Variants in GPATCH1 observed in about 807,000 individuals in gnomAD.
GPATCH1 encodes the protein G-patch domain containing 1.
A neutral mutation model predicts 114.9 loss-of-function variants in GPATCH1; 73 were observed. The ratio of observed to expected loss-of-function variants is 0.64; its 90% confidence interval spans 0.53 to 0.77. The LOEUF is 0.77. Among genes scored for constraint, GPATCH1 ranks in the 30% least tolerant of loss-of-function variants. The pLI is 0.00. For synonymous variants in GPATCH1, 391 were observed against 428.4 expected, an observed-to-expected ratio of 0.91 and a Z score of 1.08; for missense variants, 1,058 against 1,144.3, an observed-to-expected ratio of 0.92 and a Z score of 1.09.
intron 8 of GPATCH1, among the ~76,000 whole-genome samples, chr19:33,098,379 C>G (rs1160996365): frequency 6.6e-6 from 1 of 152,220 alleles, no homozygotes; most frequent in East Asian, 1.9e-4. Context: ...TGAGGAGGCT[C>G]TTGTTGGGAT....
At chr19:33,097,939 G>C in intron 8 of GPATCH1, 37 bp downstream of exon 8, 1 of 1,603,588 alleles carries the variant, frequency 6.2e-7, no homozygotes, top group Non-Finnish European at 8.5e-7. Context: ...GCAGGACCAA[G>C]TGTCAGGGTA....
At chr19:33,108,531 C>T (rs2145324471) in intron 10 of GPATCH1, among the ~76,000 whole-genome samples, 1 of 151,286 alleles carries the variant, frequency 6.6e-6, no homozygotes, top group East Asian at 1.9e-4. Context: ...TAGCTTATGA[C>T]TTATCTCGAA....
intron 7 of GPATCH1, 138 bp downstream of exon 7, chr19:33,096,584 C>A: frequency 1.4e-6 from 1 of 694,848 alleles, no homozygotes. Flanking sequence ...AAGATTCTTT[C>A]TTAAAATGCA....
chr19:33,116,229 G>T (rs1386223984), intron 15 of GPATCH1, among the ~76,000 whole-genome samples: 2 of 151,970 alleles, frequency 1.3e-5, no homozygotes, highest in Non-Finnish European at 2.9e-5. Context: ...TCAAACCAGT[G>T]GTGATCATTT....
At chr19:33,108,049 A>C (rs1972806883) in intron 10 of GPATCH1, among the ~76,000 whole-genome samples, 1 of 150,348 alleles carries the variant, frequency 6.7e-6, no homozygotes. Flanking sequence ...GTCCTCCCGC[A>C]CCCTCCCTGA....
Position 33,099,458 on chromosome 19 carries a change from CCT to C in GPATCH1, c.1000+1561_1000+1562del, listed in dbSNP as rs1391846891. Among the ~76,000 whole-genome samples the C allele has an allele frequency of 2.0e-5, 3 of 152,104 alleles. No homozygotes were observed. The East Asian group carries it at 5.8e-4, about 29-fold the overall frequency. On this transcript the variant is annotated intron_variant, in intron 8 of 19. Coordinates refer to ENST00000170564, the MANE Select transcript of GPATCH1 (RefSeq NM_018025.3). The stretch of plus-strand genomic sequence containing the variant: ...ACTGAGCTCCGAGCCTGTCCTTGTC[CCT>C]CTCTGCTGTGGCCTCTCTCCCCCAG...
intron 15 of GPATCH1, 40 bp downstream of exon 15, chr19:33,114,459 TG>T (rs753563918): frequency 5.4e-6 from 8 of 1,483,830 alleles, no homozygotes; most frequent in Non-Finnish European, 7.3e-6. Flanking sequence ...ACGCTGAGTG[TG>T]GCCCTTGCTT....
At chr19:33,083,255 A>T (rs1466788616) in intron 1 of GPATCH1, among the ~76,000 whole-genome samples, 6 of 150,580 alleles carry the variant, frequency 4.0e-5, no homozygotes, top group Non-Finnish European at 7.4e-5. Context: ...AAAAAAAAAA[A>T]AAAAAAAATA....
Position 33,119,039 on chromosome 19 carries a change from C to A in GPATCH1, c.2443C>A (p.Pro815Thr). ...ALVPAPQEPP[P>T]SFPIQKMQID... ...TGTGCCAGCACCCCAGGAGCCGCCA[C>A]CTTCCTTCCCGATACAAAAGATGCA... Residue 815 changes from proline (P) to threonine (T), a missense_variant, in exon 17 of 20, where the codon CCT becomes ACT. This residue lies in a region of GPATCH1 where 893 missense variants were observed against 977.4 expected (regional missense o/e 0.91). Transcript: ENST00000170564. 6.2e-7 allele frequency: 1 copy of A among 1,613,204 alleles called. No homozygotes were observed. Among genetic ancestry groups the A allele is most frequent in the Non-Finnish European group, 8.5e-7 (1 of 1,179,640 alleles).
At chr19:33,081,908 C>G (rs1198238575) in intron 1 of GPATCH1, among the ~76,000 whole-genome samples, 1 of 118,116 alleles carries the variant, frequency 8.5e-6, no homozygotes, top group Non-Finnish European at 1.8e-5. Flanking sequence ...GGGTTTTGCT[C>G]TGTTTCCCAG....
chr19:33,096,518 T>A, intron 7 of GPATCH1, 72 bp downstream of exon 7: 4 of 1,290,854 alleles, frequency 3.1e-6, no homozygotes, highest in Non-Finnish European at 3.2e-6. Flanking sequence ...TTCTTCTTTT[T>A]AGAGGTTCTT....
chr19:33,083,109 G>C (rs929801677), intron 1 of GPATCH1, among the ~76,000 whole-genome samples: 8 of 151,136 alleles, frequency 5.3e-5, no homozygotes, highest in Non-Finnish European at 8.9e-5. Flanking sequence ...GGCGTGGTGG[G>C]GGGGGGCTCA....
intron 1 of GPATCH1, among the ~76,000 whole-genome samples, chr19:33,087,925 G>A (rs559498007): frequency 2.0e-5 from 3 of 151,834 alleles, no homozygotes. Flanking sequence ...TGGGAAAAGA[G>A]GGCAATCATT....
At chr19:33,099,481 C>A (rs1006154790) in intron 8 of GPATCH1, among the ~76,000 whole-genome samples, 1 of 152,046 alleles carries the variant, frequency 6.6e-6, no homozygotes, top group Non-Finnish European at 1.5e-5. Flanking sequence ...GCCTCTCTCC[C>A]CCAGCTTCCT....
At chr19:33,107,975 T>G (rs541799793) in intron 10 of GPATCH1, among the ~76,000 whole-genome samples, 147 of 152,188 alleles carry the variant, frequency 9.7e-4, no homozygotes, top group African/African-American at 3.3e-3. Flanking sequence ...ACATAAGGTA[T>G]ATCTCCTAAT....
chr19:33,082,912 A>G (rs1411825391), intron 1 of GPATCH1, among the ~76,000 whole-genome samples: 1 of 151,970 alleles, frequency 6.6e-6, no homozygotes, highest in Non-Finnish European at 1.5e-5. Context: ...GATTGCATGC[A>G]TGAGCCACAG....
intron 17 of GPATCH1, among the ~76,000 whole-genome samples, chr19:33,122,695 G>C (rs565641300): frequency 3.2e-4 from 48 of 152,076 alleles, no homozygotes; most frequent in African/African-American, 1.1e-3. Context: ...TAATGTCTTT[G>C]ATACCCTCGT....
At position 33,130,179 on chromosome 19, in the gene GPATCH1, C is replaced by A; in HGVS notation, c.*19C>A. On this transcript the variant is annotated 3_prime_UTR_variant, in exon 20 of 20. Transcript: ENST00000170564. ...GCAGTAATTGAATGCTGCCCTGGCT[C>A]GTCCTAGAATCATTTCTCCTCCATG... 6.3e-7 allele frequency: 1 copy of A among 1,579,684 alleles called. No individual in the cohort carries two copies. Among genetic ancestry groups the A allele is most frequent in the Non-Finnish European group, 8.7e-7 (1 of 1,148,668 alleles).
Position 33,126,658 on chromosome 19 carries a change from C to T in GPATCH1, c.2690C>T (p.Ser897Phe), listed in dbSNP as rs778310872. 9.3e-6 allele frequency: 15 copies of T among 1,614,054 alleles called. No individual in the cohort carries two copies. Among genetic ancestry groups the T allele is most frequent in the Non-Finnish European group, 1.1e-5 (13 of 1,180,000 alleles). The part of the protein sequence containing the change: ...KNKKPEKSSS[S>F]ESSDSSDSQS... ...AAAAAACCAGAGAAAAGTAGTAGCTCCGAGAGTTCCGACAGCAGCGACAGC... is the reference window on the plus strand; with the variant it reads ...AAAAAACCAGAGAAAAGTAGTAGCTTCGAGAGTTCCGACAGCAGCGACAGC... Residue 897 changes from serine (S) to phenylalanine (F), a missense_variant, in exon 19 of 20, where the codon TCC becomes TTC. Physicochemically the swap from Ser to Phe is radical, Grantham distance 155. Around this residue, in one of 3 missense-constraint regions of GPATCH1, gnomAD observed 893 missense variants for 977.4 expected, o/e 0.91. Transcript: ENST00000170564.
Sources: allele counts gnomAD v4.1 joint callset (sites outside exome capture counted in the v4.1 genomes callset), GRCh38; gene constraint gnomAD v4.1.1; regional missense constraint gnomAD v4.1.1; transcripts MANE v1.5; gene names NCBI Gene and HGNC (gene_info 2026-07-23, HGNC 2026-07-21).